The following CDKAL1 variants were observed in gnomAD, a reference collection of about 807,000 sequenced individuals.
CDKAL1 encodes the protein CDKAL1 threonylcarbamoyladenosine tRNA methylthiotransferase.
A neutral mutation model predicts 68.2 loss-of-function variants in CDKAL1; 32 were observed. The observed-to-expected ratio is 0.47, with a 90% CI of 0.35 to 0.63. CDKAL1 has a LOEUF of 0.63. Ranked by LOEUF, CDKAL1 falls within the 30% of genes least tolerant of loss-of-function variation. The pLI is 0.00. For missense variants in CDKAL1, 606 were observed against 696.7 expected, an observed-to-expected ratio of 0.87 and a Z score of 1.47; for synonymous variants, 234 against 244.3, an observed-to-expected ratio of 0.96 and a Z score of 0.39.
At chr6:21,215,727 C>T (rs1480799001) in intron 15 of CDKAL1, among the ~76,000 whole-genome samples, 2 of 152,152 alleles carry the variant, frequency 1.3e-5, no homozygotes, top group Non-Finnish European at 2.9e-5. Context: ...CGGTGCTTTT[C>T]TCTGAGGTAC....
intron 13 of CDKAL1, among the ~76,000 whole-genome samples, chr6:21,161,618 A>G (rs960501702): frequency 1.3e-5 from 2 of 152,216 alleles, no homozygotes; most frequent in Non-Finnish European, 2.9e-5. Context: ...TCAGATTTAT[A>G]AAGTCTCTGA....
At chr6:20,959,300 T>C (rs983744135) in intron 10 of CDKAL1, among the ~76,000 whole-genome samples, 2 of 152,132 alleles carry the variant, frequency 1.3e-5, no homozygotes, top group African/African-American at 4.8e-5. Context: ...CTCAAACATA[T>C]ATATTGTGAA....
intron 4 of CDKAL1, among the ~76,000 whole-genome samples, chr6:20,647,251 G>GT (rs1226106381): frequency 6.6e-6 from 1 of 152,212 alleles, no homozygotes; most frequent in African/African-American, 2.4e-5. Flanking sequence ...ATAGTTACGA[G>GT]TAAGGTGTGA....
intron 13 of CDKAL1, among the ~76,000 whole-genome samples, chr6:21,143,618 C>T (rs536908513): frequency 2.0e-5 from 3 of 152,180 alleles, no homozygotes; most frequent in Middle Eastern, 3.4e-3. Flanking sequence ...GTTTCAGTTT[C>T]CTAGTGTGTT....
At chr6:20,955,899 G>A (rs532926421) in intron 10 of CDKAL1, among the ~76,000 whole-genome samples, 17 of 152,100 alleles carry the variant, frequency 1.1e-4, no homozygotes, top group Admixed American at 9.2e-4. Flanking sequence ...CATTTTGACC[G>A]CTCGTCTGAT....
At chr6:20,866,189 A>G (rs1473121463) in intron 9 of CDKAL1, among the ~76,000 whole-genome samples, 2 of 152,178 alleles carry the variant, frequency 1.3e-5, no homozygotes, top group Non-Finnish European at 2.9e-5. Context: ...TTGAACCCAA[A>G]CAGCAGGGTT....
At chr6:20,646,048 ATTTTT>A (rs1171622769) in intron 4 of CDKAL1, among the ~76,000 whole-genome samples, 34 of 87,404 alleles carry the variant, frequency 3.9e-4, no homozygotes, top group African/African-American at 5.5e-4. Flanking sequence ...TCACGGTTAA[ATTTTT>A]TTTTTTTTTT....
chr6:20,980,228 T>C, intron 10 of CDKAL1, among the ~76,000 whole-genome samples: 1 of 150,654 alleles, frequency 6.6e-6, no homozygotes, highest in Admixed American at 6.6e-5. Flanking sequence ...TAGATATAGA[T>C]ATAGATATAT....
chr6:21,097,221 G>A (rs976050011), intron 12 of CDKAL1, among the ~76,000 whole-genome samples: 27 of 152,332 alleles, frequency 1.8e-4, no homozygotes, highest in African/African-American at 6.5e-4. Context: ...TGTAGTGCTA[G>A]CACTTTGGGA....
chr6:21,229,894 C>T (rs557863031), intron 15 of CDKAL1, among the ~76,000 whole-genome samples: 2 of 152,292 alleles, frequency 1.3e-5, no homozygotes, highest in Admixed American at 6.5e-5. Flanking sequence ...GCTAAGAAGC[C>T]GGTGAACAGA....
intron 7 of CDKAL1, among the ~76,000 whole-genome samples, chr6:20,767,347 C>T (rs954961529): frequency 1.1e-4 from 17 of 152,058 alleles, no homozygotes; most frequent in African/African-American, 3.9e-4. Context: ...GGTAATTCTT[C>T]TTTAGTACTT....
intron 5 of CDKAL1, among the ~76,000 whole-genome samples, chr6:20,707,801 G>C (rs1247531254): frequency 6.6e-6 from 1 of 152,174 alleles, no homozygotes; most frequent in East Asian, 1.9e-4. Context: ...TTTGTAAATT[G>C]AATAAATGTT....
intron 5 of CDKAL1, among the ~76,000 whole-genome samples, chr6:20,704,193 G>A (rs72830699): frequency 0.18 from 27,887 of 152,086 alleles, 2,848 homozygotes; most frequent in East Asian, 0.47. Flanking sequence ...ATTACACCAA[G>A]TGCTTTTTTA....
chr6:21,104,403 G>A (rs1477079999), intron 12 of CDKAL1, among the ~76,000 whole-genome samples: 3 of 152,086 alleles, frequency 2.0e-5, no homozygotes, highest in African/African-American at 4.8e-5. Context: ...GACTACTGCC[G>A]GAAGTAGACA....
intron 9 of CDKAL1, among the ~76,000 whole-genome samples, chr6:20,900,952 G>T (rs1761929992): frequency 6.6e-6 from 1 of 152,146 alleles, no homozygotes; most frequent in Non-Finnish European, 1.5e-5. Context: ...AGTTTCAGTA[G>T]CAGTCATATA....
At chr6:20,705,941 TC>T (rs1055339506) in intron 5 of CDKAL1, among the ~76,000 whole-genome samples, 3 of 152,112 alleles carry the variant, frequency 2.0e-5, no homozygotes, top group Admixed American at 1.3e-4. Context: ...TATGAGTAGG[TC>T]CACTGGTGAG....
At chr6:21,157,727 A>C (rs1480239183) in intron 13 of CDKAL1, among the ~76,000 whole-genome samples, 1 of 152,232 alleles carries the variant, frequency 6.6e-6, no homozygotes. Flanking sequence ...CTGAAACAAA[A>C]CAGTCTTTGA....
At position 20,658,828 on chromosome 6, in the gene CDKAL1, T is replaced by C. The variant is rs556073371; in HGVS notation, c.371+9451T>C. 6.6e-5 allele frequency among the ~76,000 whole-genome samples: 10 copies of C among 152,326 alleles called. No homozygotes were observed. In the East Asian group the frequency reaches 1.4e-3, roughly 21 times the overall value. ...ACTTCTAAAAGTTACTTTTATTTAC[T>C]TTTTGAGACCGGGTCTCGTTCTGTT... On this transcript the variant is annotated intron_variant, in intron 5 of 15. Coordinates refer to ENST00000274695, the MANE Select transcript of CDKAL1 (RefSeq NM_017774.3).
At chr6:20,611,887 C>G (rs746872512) in intron 4 of CDKAL1, among the ~76,000 whole-genome samples, 1 of 152,178 alleles carries the variant, frequency 6.6e-6, no homozygotes, top group Non-Finnish European at 1.5e-5. Flanking sequence ...ACCAGTCTCT[C>G]GTTATCCCTC....
Sources: allele counts gnomAD v4.1 joint callset (sites outside exome capture counted in the v4.1 genomes callset), GRCh38; gene constraint gnomAD v4.1.1; transcripts MANE v1.5; gene names NCBI Gene and HGNC (gene_info 2026-07-23, HGNC 2026-07-21).